The following SFMBT2 variants were observed in gnomAD, a reference collection of about 807,000 sequenced individuals.
SFMBT2 encodes the protein Scm like with four mbt domains 2.
SFMBT2 carries 38 observed loss-of-function variants against 110.1 expected under a neutral mutation model. The observed-to-expected ratio is 0.35, with a 90% CI of 0.27 to 0.45. The LOEUF is 0.45. Among genes scored for constraint, SFMBT2 ranks in the 20% least tolerant of loss-of-function variants. The probability of loss-of-function intolerance (pLI) is 1.00; values close to 1 mark genes in which losing one functional copy is unlikely to be tolerated. For synonymous variants in SFMBT2, 425 were observed against 425.4 expected (o/e 1.00, Z 0.01); for missense variants, 1,011 against 1,094.9 (o/e 0.92, Z 1.08).
intron 4 of SFMBT2, among the ~76,000 whole-genome samples, chr10:7,296,218 G>A (rs563132272): frequency 3.7e-4 from 56 of 152,304 alleles, no homozygotes; most frequent in Middle Eastern, 3.4e-3. Context: ...CACTTTCACA[G>A]ATGTTACTGC....
chr10:7,262,397 C>A (rs1841236861), intron 7 of SFMBT2, among the ~76,000 whole-genome samples: 1 of 152,114 alleles, frequency 6.6e-6, no homozygotes, highest in Non-Finnish European at 1.5e-5. Flanking sequence ...AAATCAGGCA[C>A]AATGATCACT....
intron 15 of SFMBT2, among the ~76,000 whole-genome samples, chr10:7,196,008 A>G (rs1363614530): frequency 6.6e-6 from 1 of 152,148 alleles, no homozygotes; most frequent in Non-Finnish European, 1.5e-5. Context: ...GTCTTTAACT[A>G]CGAATACCAC....
intron 7 of SFMBT2, 22 bp downstream of exon 7, chr10:7,276,870 T>C: frequency 1.2e-6 from 1 of 857,338 alleles, no homozygotes; most frequent in Non-Finnish European, 2.1e-6. Flanking sequence ...GGTAGATACA[T>C]TGCTAAGAAT....
At position 7,172,790 on chromosome 10, in the gene SFMBT2, T is replaced by G; in HGVS notation, c.1985-129A>C. Reference sequence around the variant, plus strand: ...TCATTTGTGCCTTACGAAGTCATTCTGAGAAAACAGACCCACAGGAGAAGC... The same window carrying G: ...TCATTTGTGCCTTACGAAGTCATTCGGAGAAAACAGACCCACAGGAGAAGC... On this transcript the variant is annotated intron_variant, in intron 17 of 20. Transcript: ENST00000397167. The surrounding 1 kb of genome is among the most constrained non-coding windows in gnomAD (Gnocchi z 4.6). 1.7e-6 allele frequency: 2 copies of G among 1,183,328 alleles called. No individual in the cohort carries two copies. Among genetic ancestry groups the G allele is most frequent in the Middle Eastern group, 2.1e-4 (1 of 4,690 alleles). The allele number at this position is 1,183,328 out of a possible 1,614,324, so 73.3% of individuals were successfully genotyped here.
chr10:7,362,246 C>T (rs1458246376), intron 4 of SFMBT2, among the ~76,000 whole-genome samples: 1 of 152,146 alleles, frequency 6.6e-6, no homozygotes, highest in Non-Finnish European at 1.5e-5. Context: ...GGTCACAGAG[C>T]CCAGGTCTCT....
intron 1 of SFMBT2, among the ~76,000 whole-genome samples, chr10:7,393,021 ATATATATATATATAAT>A (rs1845821531): frequency 1.4e-5 from 1 of 70,042 alleles, no homozygotes; most frequent in Admixed American, 1.2e-4. Context: ...ATATATATAT[ATATATATATATATAAT>A]TTTTTTTTTT....
At chr10:7,193,325 T>A (rs1015093377) in intron 15 of SFMBT2, among the ~76,000 whole-genome samples, 3 of 152,216 alleles carry the variant, frequency 2.0e-5, no homozygotes, top group Admixed American at 1.3e-4. Flanking sequence ...TTCTCTTTTT[T>A]TCTGAAAAAC....
intron 1 of SFMBT2, among the ~76,000 whole-genome samples, chr10:7,392,234 C>T (rs932646284): frequency 6.6e-6 from 1 of 152,080 alleles, no homozygotes; most frequent in Admixed American, 6.5e-5. Flanking sequence ...TAGTATCCTG[C>T]CTGGGTGCGG....
chr10:7,227,879 T>C lies in SFMBT2; in HGVS notation c.1179A>G (p.Glu393=). The part of the protein sequence containing the change: ...ADYHKQHGAQ[E]APPFCFRNTS... ...CATTTCGGAAGCAGAAGGGAGGGGC[T>C]TCCTGCGCCCCATGCTGCTTGTGAT... Residue 393 remains glutamate (E), a synonymous_variant, in exon 10 of 21, where the codon GAA becomes GAG. Transcript: ENST00000397167. 2.5e-6 allele frequency: 4 copies of C among 1,609,482 alleles called. No homozygotes were observed. The highest frequency in any genetic ancestry group is 3.4e-6 in the Non-Finnish European group (4 of 1,178,678).
At chr10:7,400,848 C>A (rs923104279) in intron 1 of SFMBT2, among the ~76,000 whole-genome samples, 3 of 152,098 alleles carry the variant, frequency 2.0e-5, no homozygotes, top group Non-Finnish European at 4.4e-5. Flanking sequence ...AAGCATCCCC[C>A]CCGGCCAGGC....
At position 7,170,407 on chromosome 10, in the gene SFMBT2, G is replaced by A. The variant is rs1410873839; in HGVS notation, c.2544+521C>T. Among the ~76,000 whole-genome samples the A allele has an allele frequency of 1.3e-5, 2 of 152,208 alleles. No individual in the cohort carries two copies. The highest frequency in any genetic ancestry group is 2.9e-5 in the Non-Finnish European group (2 of 68,044). ...CTCTTCTGCAGCTGAACATCACAGG[G>A]AGGGCTGGACGGACCCCACTGAGAG... On this transcript the variant is annotated intron_variant, in intron 20 of 20. Transcript: ENST00000397167. This position sits in a 1 kb window ranked among gnomAD's most constrained non-coding sequence, Gnocchi z 4.6.
intron 4 of SFMBT2, among the ~76,000 whole-genome samples, chr10:7,291,387 T>C (rs900335431): frequency 6.6e-6 from 1 of 152,226 alleles, no homozygotes; most frequent in East Asian, 1.9e-4. Context: ...ATTCATTCCA[T>C]GGGTCACAGT....
intron 13 of SFMBT2, 117 bp downstream of exon 13, chr10:7,202,363 T>C: frequency 7.8e-7 from 1 of 1,280,180 alleles, no homozygotes; most frequent in Non-Finnish European, 1.1e-6. Context: ...CTGCTACCTC[T>C]ACTAGGGTGC....
intron 4 of SFMBT2, among the ~76,000 whole-genome samples, chr10:7,342,618 C>T (rs879783747): frequency 9.9e-5 from 15 of 151,864 alleles, no homozygotes; most frequent in Non-Finnish European, 2.1e-4. Context: ...ACCATGGTCT[C>T]GATCTCCTGA....
intron 4 of SFMBT2, among the ~76,000 whole-genome samples, chr10:7,351,483 A>C (rs1000353071): frequency 6.6e-6 from 1 of 152,206 alleles, no homozygotes; most frequent in Non-Finnish European, 1.5e-5. Flanking sequence ...ACATATGGGA[A>C]TACTGCAGGT....
intron 1 of SFMBT2, among the ~76,000 whole-genome samples, chr10:7,392,659 T>G (rs959088323): frequency 1.3e-5 from 2 of 152,188 alleles, no homozygotes; most frequent in Non-Finnish European, 2.9e-5. Flanking sequence ...ACAAAACTAT[T>G]GCAAATATTT....
chr10:7,187,173 TG>T (rs1838442627), intron 16 of SFMBT2, among the ~76,000 whole-genome samples: 1 of 152,218 alleles, frequency 6.6e-6, no homozygotes, highest in South Asian at 2.1e-4. Flanking sequence ...AAGGTTTTAA[TG>T]GGAGCTAAGA....
At chr10:7,265,883 T>C (rs568940767) in intron 7 of SFMBT2, among the ~76,000 whole-genome samples, 112 of 152,118 alleles carry the variant, frequency 7.4e-4, no homozygotes, top group Non-Finnish European at 1.3e-3. Context: ...AAAGCAGTCA[T>C]GGAAATACAA....
intron 16 of SFMBT2, among the ~76,000 whole-genome samples, chr10:7,180,560 G>A (rs1402339480): frequency 6.6e-6 from 1 of 152,178 alleles, no homozygotes; most frequent in Non-Finnish European, 1.5e-5. Context: ...GCCATGAAGA[G>A]CCTTTAACCC....
Sources: allele counts gnomAD v4.1 joint callset (sites outside exome capture counted in the v4.1 genomes callset), GRCh38; gene constraint gnomAD v4.1.1; non-coding constraint Gnocchi (gnomAD v3.1); transcripts MANE v1.5; gene names NCBI Gene and HGNC (gene_info 2026-07-23, HGNC 2026-07-21).